GPD2: variants seen among roughly 807,000 people sequenced by gnomAD.
The protein encoded by GPD2 is glycerol-3-phosphate dehydrogenase, mitochondrial.
Under a neutral mutation model 82.4 loss-of-function variants are expected in GPD2, and 54 were observed. The observed-to-expected ratio is 0.66, with a 90% CI of 0.53 to 0.82. GPD2 has a LOEUF of 0.82. Ranked by LOEUF, GPD2 falls within the 40% of genes least tolerant of loss-of-function variation. GPD2 has a pLI of 0.00. For missense variants in GPD2, 748 were observed against 896.2 expected (o/e 0.83, Z 2.11); for synonymous variants, 288 against 306.1 (o/e 0.94, Z 0.62).
At position 156,584,126 on chromosome 2, in the gene GPD2, C is replaced by G. The variant is rs1251799544; in HGVS notation, c.*1208C>G. ...AATCACCAACCCCCATCCCGACACA[C>G]ACACAGAGTCCAAAGCAAAAGTCAG... On this transcript the variant is annotated 3_prime_UTR_variant, in exon 17 of 17. Transcript: ENST00000438166. 1 of 152,010 alleles carries G rather than the reference C, an allele frequency of 6.6e-6. No homozygotes were observed. Among genetic ancestry groups the G allele is most frequent in the Non-Finnish European group, 1.5e-5 (1 of 67,952 alleles). The allele number at this position is 152,010 out of a possible 1,614,324, so 9.4% of individuals were successfully genotyped here.
At chr2:156,417,670 T>C in the GPD2 span, among the ~76,000 whole-genome samples, 12 of 152,062 alleles carry the variant, frequency 7.9e-5, no homozygotes, top group African/African-American at 2.9e-4. Context: ...TATAATTCCA[T>C]GGGTAATTCA....
At chr2:156,405,185 T>C in the GPD2 span, among the ~76,000 whole-genome samples, 1 of 152,270 alleles carries the variant, frequency 6.6e-6, no homozygotes, top group East Asian at 1.9e-4. Flanking sequence ...AAAATTACTC[T>C]AGGAATCTAC....
chr2:156,430,342 GA>G (rs539088930), upstream of GPD2, among the ~76,000 whole-genome samples: 20 of 149,188 alleles, frequency 1.3e-4, no homozygotes, highest in Admixed American at 1.1e-3. Context: ...TGAAACAAAA[GA>G]AAAAAAAACA....
chr2:156,453,414 G>C (rs1682683590), intron 1 of GPD2, among the ~76,000 whole-genome samples: 1 of 152,198 alleles, frequency 6.6e-6, no homozygotes, highest in Non-Finnish European at 1.5e-5. Context: ...CCAGACTACA[G>C]TAGATAAACT....
At chr2:156,571,386 C>A (rs1687636742) in intron 13 of GPD2, 94 bp downstream of exon 13, 1 of 707,984 alleles carries the variant, frequency 1.4e-6, no homozygotes, top group Non-Finnish European at 2.2e-6. Context: ...TTGATGATAA[C>A]CTTAGATTTC....
chr2:156,490,128 T>A (rs755803197), intron 2 of GPD2, among the ~76,000 whole-genome samples: 1 of 152,152 alleles, frequency 6.6e-6, no homozygotes, highest in Non-Finnish European at 1.5e-5. Flanking sequence ...CTAGGAAGAT[T>A]TGGAACCCAA....
At position 156,513,496 on chromosome 2, in the gene GPD2, G is replaced by A; in HGVS notation, c.661G>A (p.Gly221Arg). 5.0e-6 allele frequency: 8 copies of A among 1,609,166 alleles called. No homozygotes were observed. The highest frequency in any genetic ancestry group is 1.1e-5 in the South Asian group (1 of 90,900). ...GGTAGGAGCAATTGTCTACTATGAC[G>A]GTATGTGATGTTTTTTTTTTTTTTC... ...KLVGAIVYYD[G>R]QHNDARMNLA... Residue 221 changes from glycine (G) to arginine (R), a missense_variant and splice_region_variant, in exon 6 of 17, where the codon GGA becomes AGA. Gly to Arg is a moderately radical substitution (Grantham distance 125). This residue lies in a region of GPD2 where 692 missense variants were observed against 809.7 expected (regional missense o/e 0.85). Coordinates refer to ENST00000438166, the MANE Select transcript of GPD2 (RefSeq NM_000408.5).
intron 2 of GPD2, among the ~76,000 whole-genome samples, chr2:156,491,612 A>C (rs956569136): frequency 6.6e-6 from 1 of 152,182 alleles, no homozygotes; most frequent in Non-Finnish European, 1.5e-5. Context: ...GACGATTATG[A>C]ATAAAGCCAT....
chr2:156,515,430 G>A (rs1322688570), intron 6 of GPD2, among the ~76,000 whole-genome samples: 1 of 151,764 alleles, frequency 6.6e-6, no homozygotes, highest in Non-Finnish European at 1.5e-5. Context: ...ATCTGAATTT[G>A]TGACATCCTG....
chr2:156,547,147 T>C (rs1322780654), intron 6 of GPD2, among the ~76,000 whole-genome samples: 1 of 152,342 alleles, frequency 6.6e-6, no homozygotes, highest in South Asian at 2.1e-4. Context: ...CAGTGCCTGA[T>C]TCATAACAAA....
intron 10 of GPD2, 87 bp downstream of exon 10, chr2:156,569,046 C>G: frequency 9.0e-7 from 1 of 1,110,422 alleles, no homozygotes; most frequent in Non-Finnish European, 1.3e-6. Flanking sequence ...CCAGGAGGGT[C>G]TTGAACTCCT....
At chr2:156,527,949 C>T (rs1353336241) in intron 6 of GPD2, among the ~76,000 whole-genome samples, 1 of 152,078 alleles carries the variant, frequency 6.6e-6, no homozygotes, top group Non-Finnish European at 1.5e-5. Flanking sequence ...ACAGGCAGTT[C>T]TCTCTTTTAA....
chr2:156,510,987 G>A lies in GPD2; in HGVS notation c.399+67G>A, dbSNP rs563963302. The A allele has an allele frequency of 5.3e-4, 740 of 1,398,452 alleles. 5 individuals carry two copies. The African/African-American group carries it at 9.0e-3, about 17-fold the overall frequency. The allele number at this position is 1,398,452 out of a possible 1,614,324, so 86.6% of individuals were successfully genotyped here. A position where few individuals can be genotyped will look rare whatever the true frequency, so the allele number is the denominator to read the frequency against. ...GCTTTTTTCTACCCAATTAAATCAG[G>A]TTTTTTTTTCTTTAATGGCTTAAAA... On this transcript the variant is annotated intron_variant, in intron 4 of 16. Transcript: ENST00000438166.
At chr2:156,521,161 A>T (rs2105287756) in intron 6 of GPD2, among the ~76,000 whole-genome samples, 1 of 152,364 alleles carries the variant, frequency 6.6e-6, no homozygotes. Context: ...TGGTCTGTTC[A>T]CATAATGGAG....
intron 11 of GPD2, 125 bp from the exon 12 acceptor site, chr2:156,569,962 C>A: frequency 1.2e-6 from 1 of 823,262 alleles, no homozygotes; most frequent in Non-Finnish European, 2.0e-6. Context: ...AAATATAATA[C>A]TCTCCGAGAG....
chr2:156,572,489 C>A (rs548110961), intron 13 of GPD2, among the ~76,000 whole-genome samples: 1 of 152,140 alleles, frequency 6.6e-6, no homozygotes, highest in African/African-American at 2.4e-5. Flanking sequence ...GGTGTCCCTT[C>A]TTTAACAACT....
chr2:156,403,732 T>C, the GPD2 span, among the ~76,000 whole-genome samples: 4 of 152,024 alleles, frequency 2.6e-5, no homozygotes, highest in Non-Finnish European at 5.9e-5. Flanking sequence ...AGATTTGTGT[T>C]AGGTTAACTT....
intron 2 of GPD2, among the ~76,000 whole-genome samples, chr2:156,492,560 G>T (rs1290064369): frequency 6.6e-6 from 1 of 151,620 alleles, no homozygotes; most frequent in Non-Finnish European, 1.5e-5. Context: ...TTTATACATG[G>T]AAATGACATT....
intron 6 of GPD2, among the ~76,000 whole-genome samples, chr2:156,539,941 A>G (rs1686241701): frequency 1.3e-5 from 1 of 75,724 alleles, no homozygotes; most frequent in Non-Finnish European, 3.1e-5. Context: ...CTGAGAGATC[A>G]AGTTCCACTT....
Sources: gnomAD v4.1 joint callset for allele counts (sites outside exome capture counted in the v4.1 genomes callset) on GRCh38, gnomAD v4.1.1 for gene constraint, gnomAD v4.1.1 regional missense constraint, MANE v1.5 for transcripts, NCBI Gene and HGNC (gene_info 2026-07-23, HGNC 2026-07-21) for gene names.